Variants in ADAMTSL1 observed in about 807,000 individuals in gnomAD.
The protein encoded by ADAMTSL1 is ADAMTS like 1, also known as ADAMTS-like protein 1.
Under a neutral mutation model 201.8 loss-of-function variants are expected in ADAMTSL1, and 126 were observed. That is an observed-to-expected ratio of 0.62 (90% CI 0.54 to 0.72). The LOEUF (loss-of-function observed/expected upper bound fraction) is 0.72. ADAMTSL1 is among the 30% of genes least tolerant of loss of function. The probability of loss-of-function intolerance (pLI) is 0.00; values close to 1 mark genes in which losing one functional copy is unlikely to be tolerated. For synonymous variants in ADAMTSL1, 1,121 were observed against 903.4 expected (o/e 1.24, Z -4.32); for missense variants, 2,679 against 2,277.8 (o/e 1.18, Z -3.59).
chr9:18,229,436 A>C (rs1830559659), intron 2 of ADAMTSL1, among the ~76,000 whole-genome samples: 1 of 151,874 alleles, frequency 6.6e-6, no homozygotes, highest in African/African-American at 2.4e-5. Flanking sequence ...CCACCCTTCC[A>C]CCCTGCCAGG....
chr9:18,789,477 A>G (rs1821900263), intron 19 of ADAMTSL1, among the ~76,000 whole-genome samples: 2 of 152,192 alleles, frequency 1.3e-5, no homozygotes, highest in Admixed American at 6.5e-5. Flanking sequence ...CCGCTATGCT[A>G]TATTGTGGAT....
chr9:17,973,581 T>C (rs1260620013), intron 1 of ADAMTSL1, among the ~76,000 whole-genome samples: 3 of 86,284 alleles, frequency 3.5e-5, no homozygotes, highest in Non-Finnish European at 8.4e-5. Context: ...TGTAGTATAG[T>C]TTGAAGTCAG....
At chr9:17,921,323 T>C (rs1025770765) in intron 1 of ADAMTSL1, among the ~76,000 whole-genome samples, 1 of 152,164 alleles carries the variant, frequency 6.6e-6, no homozygotes, top group Non-Finnish European at 1.5e-5. Flanking sequence ...CCACATGGTT[T>C]GGTGACTCCT....
chr9:18,321,063 G>A (rs556585910), intron 2 of ADAMTSL1, among the ~76,000 whole-genome samples: 6 of 152,190 alleles, frequency 3.9e-5, no homozygotes, highest in Non-Finnish European at 7.4e-5. Context: ...TTGTTTATAT[G>A]AAACACACTT....
At chr9:18,554,909 C>T (rs116925579) in intron 3 of ADAMTSL1, among the ~76,000 whole-genome samples, 2,951 of 150,398 alleles carry the variant, frequency 0.02, 38 homozygotes, top group Non-Finnish European at 0.03. Flanking sequence ...TCAAGGTTTA[C>T]TCTTGTGTTG....
chr9:18,486,094 T>C (rs1821976593), intron 1 of ADAMTSL1, among the ~76,000 whole-genome samples: 1 of 152,188 alleles, frequency 6.6e-6, no homozygotes, highest in African/African-American at 2.4e-5. Context: ...TCCCACTGTT[T>C]AGCATAGAAC....
intron 2 of ADAMTSL1, among the ~76,000 whole-genome samples, chr9:18,275,591 T>A (rs565137649): frequency 6.6e-6 from 1 of 152,284 alleles, no homozygotes; most frequent in East Asian, 1.9e-4. Context: ...TTCTAGAATT[T>A]TCTGTAAATG....
chr9:18,757,295 C>G lies in ADAMTSL1; in HGVS notation c.2217+3787C>G, dbSNP rs551985011. Among the ~76,000 whole-genome samples, 6 of 152,188 alleles carry G rather than the reference C, an allele frequency of 3.9e-5. No homozygotes were observed. The South Asian group carries it at 6.2e-4, about 16-fold the overall frequency. On this transcript the variant is annotated intron_variant, in intron 16 of 28. Transcript: ENST00000380548. ...TCTGCAATTTATTAAATACACTCAT[C>G]ATCATCCTCCTCCTCCTCCTCCTCC...
At chr9:18,410,845 T>C (rs563820236) in intron 2 of ADAMTSL1, among the ~76,000 whole-genome samples, 1 of 144,374 alleles carries the variant, frequency 6.9e-6, no homozygotes, top group Admixed American at 6.8e-5. Flanking sequence ...GTCTTCTTCT[T>C]CTTTTTTTTT....
chr9:18,644,622 G>A (rs970404188), intron 7 of ADAMTSL1, among the ~76,000 whole-genome samples: 4 of 151,262 alleles, frequency 2.6e-5, no homozygotes, highest in Non-Finnish European at 5.9e-5. Context: ...CCATCTATGA[G>A]TGAGAACATG....
intron 1 of ADAMTSL1, among the ~76,000 whole-genome samples, chr9:17,921,388 A>G (rs1826294380): frequency 6.6e-6 from 1 of 151,954 alleles, no homozygotes; most frequent in Non-Finnish European, 1.5e-5. Context: ...TTCCTCCACC[A>G]GTTTTCCATA....
At chr9:17,952,403 T>C (rs1827761624) in intron 1 of ADAMTSL1, among the ~76,000 whole-genome samples, 1 of 152,184 alleles carries the variant, frequency 6.6e-6, no homozygotes, top group Admixed American at 6.5e-5. Context: ...TTACATCTAG[T>C]TGATTTTCTT....
chr9:18,272,952 A>C (rs2132588437), intron 2 of ADAMTSL1, among the ~76,000 whole-genome samples: 1 of 152,356 alleles, frequency 6.6e-6, no homozygotes, highest in African/African-American at 2.4e-5. Context: ...GGGTAAGTGC[A>C]TTATTTCTTT....
intron 1 of ADAMTSL1, among the ~76,000 whole-genome samples, chr9:17,930,633 A>G (rs547720939): frequency 6.6e-6 from 1 of 152,308 alleles, no homozygotes; most frequent in Admixed American, 6.5e-5. Context: ...ATGACTTTCA[A>G]GAATATAGAA....
At chr9:18,390,991 C>T (rs1838022460) in intron 2 of ADAMTSL1, among the ~76,000 whole-genome samples, 1 of 152,108 alleles carries the variant, frequency 6.6e-6, no homozygotes, top group South Asian at 2.1e-4. Flanking sequence ...ATGTTGGGGT[C>T]ATCTAATGAA....
chr9:18,564,091 T>C (rs1161532979), intron 3 of ADAMTSL1, among the ~76,000 whole-genome samples: 1 of 152,186 alleles, frequency 6.6e-6, no homozygotes, highest in African/African-American at 2.4e-5. Context: ...GCTTGGTGTC[T>C]GCTTAAACGG....
At chr9:18,094,066 T>A (rs530018922) in intron 1 of ADAMTSL1, among the ~76,000 whole-genome samples, 1 of 152,302 alleles carries the variant, frequency 6.6e-6, no homozygotes, top group East Asian at 1.9e-4. Context: ...CCAGTTTTCG[T>A]TGAGTAATGT....
intron 1 of ADAMTSL1, among the ~76,000 whole-genome samples, chr9:18,029,531 G>T (rs1820846761): frequency 6.6e-6 from 1 of 152,110 alleles, no homozygotes; most frequent in South Asian, 2.1e-4. Flanking sequence ...GGCAACAAAA[G>T]CCAGAATTGA....
At chr9:18,032,713 C>G (rs536888235) in intron 1 of ADAMTSL1, among the ~76,000 whole-genome samples, 4 of 152,346 alleles carry the variant, frequency 2.6e-5, no homozygotes, top group African/African-American at 9.6e-5. Flanking sequence ...CTTCCTCTAC[C>G]TACTCTCCAG....
Sources: gnomAD v4.1 joint callset for allele counts (sites outside exome capture counted in the v4.1 genomes callset) on GRCh38, gnomAD v4.1.1 for gene constraint, MANE v1.5 for transcripts, NCBI Gene and HGNC (gene_info 2026-07-23, HGNC 2026-07-21) for gene names.